ZFHX3: variants seen among roughly 807,000 people sequenced by gnomAD.
ZFHX3 encodes the protein zinc finger homeobox protein 3.
ZFHX3 carries 42 observed loss-of-function variants against 279.1 expected under a neutral mutation model. The observed-to-expected ratio is 0.15, with a 90% CI of 0.12 to 0.19. The LOEUF is 0.19. Among genes scored for constraint, ZFHX3 ranks in the 10% least tolerant of loss-of-function variants. ZFHX3 has a pLI of 1.00. For synonymous variants in ZFHX3, 2,293 were observed against 1,957.8 expected (o/e 1.17, Z -4.52); for missense variants, 4,981 against 4,754.0 (o/e 1.05, Z -1.40).
chr16:73,209,088 C>A (rs1447621858), intron 5 of ZFHX3, among the ~76,000 whole-genome samples: 1 of 152,104 alleles, frequency 6.6e-6, no homozygotes, highest in Non-Finnish European at 1.5e-5. Flanking sequence ...TTTATAGCCT[C>A]AAAGCCAAGG....
At chr16:73,484,352 T>C (rs905703794) in intron 2 of ZFHX3, among the ~76,000 whole-genome samples, 12 of 152,148 alleles carry the variant, frequency 7.9e-5, no homozygotes, top group Non-Finnish European at 1.5e-4. Flanking sequence ...AATTCAGACA[T>C]GGGCTTGAAA....
intron 3 of ZFHX3, among the ~76,000 whole-genome samples, chr16:72,917,795 A>T (rs1212707678): frequency 1.3e-5 from 2 of 152,106 alleles, no homozygotes; most frequent in East Asian, 1.9e-4. Context: ...CATTTCCAAA[A>T]TTTTTTTTAC....
At chr16:73,730,829 G>A (rs772565934) in intron 1 of ZFHX3, among the ~76,000 whole-genome samples, 2 of 152,056 alleles carry the variant, frequency 1.3e-5, no homozygotes, top group African/African-American at 2.4e-5. Flanking sequence ...GTAAGACAAG[G>A]GAATTCTAAG....
rs1460612740 is a variant in ZFHX3 at position 73,883,046 on chromosome 16, C to T, written c.-1608+8605G>A. On this transcript the variant is annotated intron_variant, in intron 1 of 17. Transcript: ENST00000641206. The stretch of plus-strand genomic sequence containing the variant: ...CAAGCTTTTTAAAAAAAAAAATAGT[C>T]TTTCACATCAAAAAAAAAACTACAT... Among the ~76,000 whole-genome samples, 5 of 150,804 alleles carry T rather than the reference C, an allele frequency of 3.3e-5. No homozygotes were observed. In the East Asian group the frequency reaches 5.8e-4, roughly 18 times the overall value.
rs914001509 is a variant in ZFHX3, at chr16:73,676,809, T to A, written c.-1547+3371A>T. 1.1e-4 allele frequency among the ~76,000 whole-genome samples: 17 copies of A among 150,096 alleles called. 1 individual carries two copies. Among genetic ancestry groups the A allele is most frequent in the East Asian group, 1.9e-4 (1 of 5,130 alleles). Reference sequence around the variant, plus strand: ...AAAGAGATACAAATAAAAAAAAGAGTTTTAATATTAGTATTAGAGAAATAA... The same window carrying A: ...AAAGAGATACAAATAAAAAAAAGAGATTTAATATTAGTATTAGAGAAATAA... On this transcript the variant is annotated intron_variant, in intron 2 of 17. Transcript: ENST00000641206.
intron 6 of ZFHX3, among the ~76,000 whole-genome samples, chr16:73,142,727 G>A (rs1325993603): frequency 6.6e-6 from 1 of 152,194 alleles, no homozygotes; most frequent in South Asian, 2.1e-4. Flanking sequence ...AAATGATAAA[G>A]TTAACAGCTA....
intron 1 of ZFHX3, among the ~76,000 whole-genome samples, chr16:73,863,230 T>A (rs1394957777): frequency 1.3e-5 from 2 of 151,962 alleles, no homozygotes; most frequent in Non-Finnish European, 2.9e-5. Context: ...AATAAATAAA[T>A]AAATAAATTA....
In ZFHX3 at chr16:72,787,293, C is replaced by T. The variant is rs374846350; in HGVS notation, c.10983G>A (p.Ser3661=). The T allele has an allele frequency of 1.3e-5, 21 of 1,613,854 alleles. No individual in the cohort carries two copies. In the South Asian group the frequency reaches 1.5e-4, roughly 12 times the overall value. The change falls in exon 10 of 10, where the codon TCG becomes TCA. Residue 3661 remains serine (S), a synonymous_variant. Coordinates refer to ENST00000268489, the MANE Select transcript of ZFHX3 (RefSeq NM_006885.4). ...GGCTGAGATCCGTGTCAGACTCCTC[C>T]GAATAGTCGTCTGTTGGCATCGAGG... ...VQPSMPTDDY[S]EESDTDLSQK...
chr16:73,436,671 C>G (rs532698416), intron 3 of ZFHX3, among the ~76,000 whole-genome samples: 1 of 151,978 alleles, frequency 6.6e-6, no homozygotes, highest in Admixed American at 6.5e-5. Flanking sequence ...GCCATGAATT[C>G]TGCTACCATC....
chr16:73,882,999 G>T, intron 1 of ZFHX3, among the ~76,000 whole-genome samples: 1 of 150,700 alleles, frequency 6.6e-6, no homozygotes, highest in East Asian at 1.9e-4. Flanking sequence ...TTTTTGAAAT[G>T]CCTGAGATTA....
At chr16:73,191,585 C>G (rs1968036084) in intron 5 of ZFHX3, among the ~76,000 whole-genome samples, 1 of 152,184 alleles carries the variant, frequency 6.6e-6, no homozygotes, top group African/African-American at 2.4e-5. Context: ...CAAACCAAAC[C>G]CCTCCCGTTT....
At chr16:73,682,660 A>G (rs2053023072) in intron 1 of ZFHX3, among the ~76,000 whole-genome samples, 1 of 151,498 alleles carries the variant, frequency 6.6e-6, no homozygotes, top group Non-Finnish European at 1.5e-5. Flanking sequence ...GGTGGCATGC[A>G]CCTGTAATCC....
intron 3 of ZFHX3, among the ~76,000 whole-genome samples, chr16:72,908,373 G>C (rs1422068593): frequency 6.6e-6 from 1 of 152,176 alleles, no homozygotes; most frequent in Non-Finnish European, 1.5e-5. Context: ...AAATCAGTAT[G>C]AATGAACTTC....
intron 3 of ZFHX3, among the ~76,000 whole-genome samples, chr16:72,933,881 C>T (rs567554562): frequency 9.6e-5 from 14 of 145,096 alleles, no homozygotes; most frequent in African/African-American, 2.8e-4. Flanking sequence ...TGCAGTGTCG[C>T]GATCTCGGCT....
chr16:73,025,542 A>G (rs1314186083), intron 1 of ZFHX3, among the ~76,000 whole-genome samples: 1 of 152,116 alleles, frequency 6.6e-6, no homozygotes, highest in Non-Finnish European at 1.5e-5. Context: ...TAATGCCTAC[A>G]CTTCCTCAAT....
At position 73,249,851 on chromosome 16, in the gene ZFHX3, A is replaced by ACACACACACAC. The variant is rs1567430382; in HGVS notation, c.-1104+7195_-1104+7196insGTGTGTGTGTG. 3.5e-5 allele frequency among the ~76,000 whole-genome samples: 3 copies of ACACACACACAC among 86,120 alleles called. No homozygotes were observed. The South Asian group carries it at 1.1e-3, about 31-fold the overall frequency. The allele number at this position is 86,120 out of a possible 152,430, so 56.5% of individuals were successfully genotyped here. ...ACACACACACACACACACACACACAAAATTCAAAAGACCAATCAGTGCAAT... is the reference window on the plus strand; with the variant it reads ...ACACACACACACACACACACACACAACACACACACACAATTCAAAAGACCAATCAGTGCAAT... On this transcript the variant is annotated intron_variant, in intron 5 of 17. Coordinates refer to the ZFHX3 transcript ENST00000641206.
intron 2 of ZFHX3, among the ~76,000 whole-genome samples, chr16:73,657,786 C>A (rs1159486480): frequency 1.3e-5 from 2 of 152,138 alleles, no homozygotes; most frequent in Non-Finnish European, 2.9e-5. Flanking sequence ...TACCTCATTT[C>A]TTTCTATGGC....
At chr16:73,628,546 A>G (rs2142144568) in intron 2 of ZFHX3, among the ~76,000 whole-genome samples, 1 of 152,162 alleles carries the variant, frequency 6.6e-6, no homozygotes, top group African/African-American at 2.4e-5. Flanking sequence ...ATTATCTTGC[A>G]CTCCTTTTAC....
chr16:73,291,422 G>C (rs1449922934), intron 4 of ZFHX3, among the ~76,000 whole-genome samples: 1 of 152,208 alleles, frequency 6.6e-6, no homozygotes, highest in Non-Finnish European at 1.5e-5. Context: ...TTGGCTCCTT[G>C]CTGGTTATGA....
Sources: gnomAD v4.1 joint callset for allele counts (sites outside exome capture counted in the v4.1 genomes callset) on GRCh38, gnomAD v4.1.1 for gene constraint, MANE v1.5 for transcripts, NCBI Gene and HGNC (gene_info 2026-07-23, HGNC 2026-07-21) for gene names.